Variants in FAM219A observed in about 807,000 individuals in gnomAD.
The protein encoded by FAM219A is family with sequence similarity 219 member A, also known as protein FAM219A.
A neutral mutation model predicts 23.4 loss-of-function variants in FAM219A; 7 were observed. That is an observed-to-expected ratio of 0.30 (90% CI 0.17 to 0.56). The LOEUF (loss-of-function observed/expected upper bound fraction) is 0.56. Ranked by LOEUF, FAM219A falls within the 20% of genes least tolerant of loss-of-function variation. The probability of loss-of-function intolerance (pLI) is 0.92; values close to 1 mark genes in which losing one functional copy is unlikely to be tolerated. For missense variants in FAM219A, 166 were observed against 246.9 expected, an observed-to-expected ratio of 0.67 and a Z score of 2.20; for synonymous variants, 93 against 99.0, an observed-to-expected ratio of 0.94 and a Z score of 0.36.
In FAM219A at chr9:34,400,916, AC is replaced by A; in HGVS notation, c.*47del. 6.7e-7 allele frequency: 1 copy of A among 1,485,170 alleles called. No individual in the cohort carries two copies. Among genetic ancestry groups the A allele is most frequent in the Non-Finnish European group, 9.0e-7 (1 of 1,116,082 alleles). 92.0% of individuals were successfully genotyped at this position (1,485,170 alleles called of 1,614,324 possible). A position where few individuals can be genotyped will look rare whatever the true frequency, so the allele number is the denominator to read the frequency against. On this transcript the variant is annotated 3_prime_UTR_variant, in exon 6 of 6. Coordinates refer to ENST00000651358, the MANE Select transcript of FAM219A (RefSeq NM_001184940.2). ...GAAGGGGTCGGCCTCTGCCCGTCCT[AC>A]CCGGCCCTTGGCGGCCCCGCCCCGG...
chr9:34,410,991 T>G (rs528303209), intron 1 of FAM219A, among the ~76,000 whole-genome samples: 1 of 152,332 alleles, frequency 6.6e-6, no homozygotes, highest in East Asian at 1.9e-4. Context: ...CCATGTTAAC[T>G]GTAAAGATAT....
chr9:34,400,900 G>T lies in FAM219A; in HGVS notation c.*64C>A, dbSNP rs971223009. ...CAGGCAGACGAGCTGGGAAGGGGTC[G>T]GCCTCTGCCCGTCCTACCCGGCCCT... On this transcript the variant is annotated 3_prime_UTR_variant, in exon 6 of 6. Coordinates refer to ENST00000651358, the MANE Select transcript of FAM219A (RefSeq NM_001184940.2). 7.0e-7 allele frequency: 1 copy of T among 1,437,110 alleles called. No individual in the cohort carries two copies. The highest frequency in any genetic ancestry group is 9.2e-7 in the Non-Finnish European group (1 of 1,092,736). 89.0% of individuals were successfully genotyped at this position (1,437,110 alleles called of 1,614,324 possible). A position where few individuals can be genotyped will look rare whatever the true frequency, so the allele number is the denominator to read the frequency against.
intron 1 of FAM219A, among the ~76,000 whole-genome samples, chr9:34,408,345 C>G (rs1206356037): frequency 2.0e-5 from 3 of 151,238 alleles, no homozygotes; most frequent in Non-Finnish European, 3.0e-5. Context: ...TCAGCAGCTG[C>G]TACCTGCAAG....
chr9:34,452,426 C>T (rs1823591690), intron 1 of FAM219A, among the ~76,000 whole-genome samples: 1 of 152,178 alleles, frequency 6.6e-6, no homozygotes, highest in South Asian at 2.1e-4. Context: ...GGTGTCCATG[C>T]CACAAACTTG....
intron 1 of FAM219A, among the ~76,000 whole-genome samples, chr9:34,425,057 G>A (rs1166770122): frequency 4.6e-5 from 7 of 151,926 alleles, no homozygotes; most frequent in African/African-American, 9.7e-5. Context: ...CTACCCCCTC[G>A]GCCTCCCAAA....
At chr9:34,411,310 G>T (rs1200552290) in intron 1 of FAM219A, among the ~76,000 whole-genome samples, 2 of 152,096 alleles carry the variant, frequency 1.3e-5, no homozygotes, top group Non-Finnish European at 2.9e-5. Flanking sequence ...AGCTACATGA[G>T]GCTGAGGCAG....
chr9:34,409,187 A>G (rs979218730), intron 1 of FAM219A, among the ~76,000 whole-genome samples: 1 of 152,198 alleles, frequency 6.6e-6, no homozygotes, highest in African/African-American at 2.4e-5. Flanking sequence ...CTCCATCACT[A>G]TCCATGACAG....
At chr9:34,413,620 T>C (rs1821902300) in intron 1 of FAM219A, among the ~76,000 whole-genome samples, 1 of 152,202 alleles carries the variant, frequency 6.6e-6, no homozygotes, top group Non-Finnish European at 1.5e-5. Context: ...ATACCAATAC[T>C]ATCTAACCCT....
chr9:34,442,550 T>G (rs540559446), intron 1 of FAM219A, among the ~76,000 whole-genome samples: 1 of 152,076 alleles, frequency 6.6e-6, no homozygotes, highest in Non-Finnish European at 1.5e-5. Flanking sequence ...GCGGGCATGA[T>G]AGCACGTGCC....
At chr9:34,408,040 G>C (rs1821700764) in intron 1 of FAM219A, among the ~76,000 whole-genome samples, 1 of 152,220 alleles carries the variant, frequency 6.6e-6, no homozygotes, top group Non-Finnish European at 1.5e-5. Context: ...CTCTGGGTGG[G>C]TTGTGTTGCC....
intron 1 of FAM219A, among the ~76,000 whole-genome samples, chr9:34,434,211 A>T: frequency 6.7e-6 from 1 of 149,678 alleles, no homozygotes; most frequent in South Asian, 2.1e-4. Context: ...CAAAAAAAAA[A>T]AAAAAAAAAA....
chr9:34,421,886 A>C (rs999665759), intron 1 of FAM219A, among the ~76,000 whole-genome samples: 2 of 152,146 alleles, frequency 1.3e-5, no homozygotes, highest in Non-Finnish European at 2.9e-5. Flanking sequence ...TGGAACCTGA[A>C]TTGTCAGCAT....
intron 5 of FAM219A, among the ~76,000 whole-genome samples, 189 bp from the exon 6 acceptor site, chr9:34,401,311 T>A (rs1361854824): frequency 2.6e-5 from 4 of 152,182 alleles, no homozygotes; most frequent in Admixed American, 2.6e-4. Flanking sequence ...CTCTGGCCTC[T>A]CTTTCTAGTC....
At chr9:34,442,684 CAA>C (rs113574730) in intron 1 of FAM219A, among the ~76,000 whole-genome samples, 10 of 128,234 alleles carry the variant, frequency 7.8e-5, no homozygotes, top group African/African-American at 1.4e-4. Context: ...GACTCCGTCT[CAA>C]AAAAAAAAAA....
chr9:34,413,980 G>T (rs1376400955), intron 1 of FAM219A, among the ~76,000 whole-genome samples: 5 of 152,188 alleles, frequency 3.3e-5, no homozygotes, highest in Non-Finnish European at 7.3e-5. Flanking sequence ...TTCCTGTTCA[G>T]GGCTATTCCA....
Position 34,417,659 on chromosome 9 carries a change from G to C in FAM219A, c.61-11695C>G, listed in dbSNP as rs1564004358. Reference sequence around the variant, plus strand: ...GCCTCCTGTCATGACTGAGAGTATAGCTGGTTTTTAATGCTTTATTTTTCA... The same window carrying C: ...GCCTCCTGTCATGACTGAGAGTATACCTGGTTTTTAATGCTTTATTTTTCA... On this transcript the variant is annotated intron_variant, in intron 1 of 5. Coordinates refer to ENST00000651358, the MANE Select transcript of FAM219A (RefSeq NM_001184940.2). The surrounding 1 kb of genome is among the most constrained non-coding windows in gnomAD (Gnocchi z 4.1). Among the ~76,000 whole-genome samples, 1 of 152,188 alleles carries C rather than the reference G, an allele frequency of 6.6e-6. No individual in the cohort carries two copies. The highest frequency in any genetic ancestry group is 1.5e-5 in the Non-Finnish European group (1 of 68,036).
intron 1 of FAM219A, among the ~76,000 whole-genome samples, chr9:34,422,463 A>G (rs1332226872): frequency 6.6e-6 from 1 of 152,198 alleles, no homozygotes; most frequent in Non-Finnish European, 1.5e-5. Flanking sequence ...GAGATTAACA[A>G]CGTACCAGAA....
At chr9:34,452,145 T>G (rs1823581909) in intron 1 of FAM219A, among the ~76,000 whole-genome samples, 1 of 152,180 alleles carries the variant, frequency 6.6e-6, no homozygotes. Context: ...CCACCAATTC[T>G]CTTGAATTCA....
At chr9:34,410,727 A>G (rs1821793697) in intron 1 of FAM219A, among the ~76,000 whole-genome samples, 1 of 152,180 alleles carries the variant, frequency 6.6e-6, no homozygotes, top group Non-Finnish European at 1.5e-5. Context: ...AATCTACACA[A>G]TCCCATCCTC....
Sources: gnomAD v4.1 joint callset for allele counts (sites outside exome capture counted in the v4.1 genomes callset) on GRCh38, gnomAD v4.1.1 for gene constraint, Gnocchi (gnomAD v3.1) non-coding constraint, MANE v1.5 for transcripts, NCBI Gene and HGNC (gene_info 2026-07-23, HGNC 2026-07-21) for gene names.